VAC14: variants seen among roughly 807,000 people sequenced by gnomAD.
VAC14 encodes VAC14 component of PIKFYVE complex.
In VAC14, 47 loss-of-function variants were observed where a neutral mutation model predicts 85.3. The ratio of observed to expected loss-of-function variants is 0.55; its 90% CI spans 0.44 to 0.70. VAC14 has a LOEUF of 0.70. VAC14 is among the 30% of genes least tolerant of loss of function. The pLI is 0.00. For missense variants in VAC14, 861 were observed against 1,004.3 expected (o/e 0.86, Z 1.93); for synonymous variants, 447 against 430.5 (o/e 1.04, Z -0.47).
intron 13 of VAC14, among the ~76,000 whole-genome samples, chr16:70,735,927 C>G (rs1567550973): frequency 1.3e-5 from 2 of 152,250 alleles, no homozygotes; most frequent in South Asian, 4.1e-4. Context: ...CCAGGCCCAG[C>G]TGGGGGCTGA....
At chr16:70,746,013 T>C (rs1284282820) in intron 12 of VAC14, among the ~76,000 whole-genome samples, 1 of 152,202 alleles carries the variant, frequency 6.6e-6, no homozygotes, top group Admixed American at 6.5e-5. Context: ...TGTGAGTATA[T>C]TAAAAGCCAG....
chr16:70,689,249 G>C, intron 18 of VAC14: 2 of 985,464 alleles, frequency 2.0e-6, no homozygotes, highest in Non-Finnish European at 2.4e-6. Flanking sequence ...CGATGTGTAA[G>C]AGCTTCACCT....
intron 4 of VAC14, 55 bp downstream of exon 4, chr16:70,784,721 A>C (rs1298993196): frequency 6.6e-7 from 1 of 1,522,798 alleles, no homozygotes; most frequent in Non-Finnish European, 9.1e-7. Context: ...TAAGCTTTAC[A>C]GACAGACGGG....
intron 13 of VAC14, among the ~76,000 whole-genome samples, chr16:70,740,191 C>T (rs2030132518): frequency 1.3e-5 from 2 of 152,184 alleles, no homozygotes; most frequent in South Asian, 4.1e-4. Flanking sequence ...AAACTCCTGA[C>T]CTCAGGTGAT....
intron 12 of VAC14, among the ~76,000 whole-genome samples, chr16:70,754,393 G>A (rs1197555666): frequency 6.6e-6 from 1 of 152,206 alleles, no homozygotes; most frequent in Non-Finnish European, 1.5e-5. Context: ...CCCCAGCAGT[G>A]GCTGCTGGTA....
At chr16:70,766,900 G>A (rs779876419) in intron 10 of VAC14, among the ~76,000 whole-genome samples, 1 of 152,154 alleles carries the variant, frequency 6.6e-6, no homozygotes, top group Non-Finnish European at 1.5e-5. Context: ...TTCCTAGAGG[G>A]CACACTGCAT....
intron 13 of VAC14, among the ~76,000 whole-genome samples, chr16:70,739,030 G>A (rs1330689957): frequency 6.6e-6 from 1 of 152,248 alleles, no homozygotes; most frequent in Non-Finnish European, 1.5e-5. Flanking sequence ...GCCTCCCACA[G>A]GGGCCCTCTG....
At chr16:70,731,456 C>G in intron 14 of VAC14, 39 bp downstream of exon 14, 1 of 1,595,722 alleles carries the variant, frequency 6.3e-7, no homozygotes, top group Non-Finnish European at 8.5e-7. Context: ...AAGCCGGGGC[C>G]GTGGGAGGAA....
chr16:70,772,354 C>T (rs1230380878), intron 9 of VAC14, 182 bp from the exon 10 acceptor site: 1 of 576,132 alleles, frequency 1.7e-6, no homozygotes, highest in East Asian at 2.8e-5. Context: ...CTCGATAGTC[C>T]CCAAGCTTGT....
At position 70,731,553 on chromosome 16, in the gene VAC14, G is replaced by C; in HGVS notation, c.1603C>G (p.Leu535Val). ...SYFYKFMINL[L>V]KRFSSERKLL... The stretch of plus-strand genomic sequence containing the variant: ...TTCCGTTCGCTGCTGAATCTCTTGA[G>C]AAGGTTGATCATGAACTTATAAAAG... The change falls in exon 14 of 19, where the codon CTC becomes GTC. Residue 535 changes from leucine (L) to valine (V), a missense_variant. By Grantham distance (32) the Leu-to-Val change is conservative. Around this residue, in one of 3 missense-constraint regions of VAC14, gnomAD observed 629 missense variants for 703.1 expected, o/e 0.89. Coordinates refer to ENST00000261776, the MANE Select transcript of VAC14 (RefSeq NM_018052.5). 1.9e-6 allele frequency: 3 copies of C among 1,614,200 alleles called. No homozygotes were observed. Among genetic ancestry groups the C allele is most frequent in the Non-Finnish European group, 2.5e-6 (3 of 1,180,040 alleles).
At chr16:70,788,184 G>C (rs1362569769) in intron 1 of VAC14, among the ~76,000 whole-genome samples, 1 of 152,228 alleles carries the variant, frequency 6.6e-6, no homozygotes, top group Non-Finnish European at 1.5e-5. Context: ...AGTTAGAGCT[G>C]GGACTTTCTA....
At chr16:70,689,715 T>G in intron 18 of VAC14, 1 of 985,594 alleles carries the variant, frequency 1.0e-6, no homozygotes, top group Non-Finnish European at 1.2e-6. Flanking sequence ...CAGCTGACTT[T>G]AGTTCAACAA....
rs1421946562 is a variant in VAC14 at position 70,762,196 on chromosome 16, C to G, written c.1371+344G>C. Among the ~76,000 whole-genome samples, 2 of 152,128 alleles carry G rather than the reference C, an allele frequency of 1.3e-5. No homozygotes were observed. The highest frequency in any genetic ancestry group is 2.9e-5 in the Non-Finnish European group (2 of 68,020). ...GATCTCTGCTCACTGCAACCTCTGC[C>G]TCCTGGGTTCAAGCAATTCTCCCAC... On this transcript the variant is annotated intron_variant, in intron 12 of 18. Transcript: ENST00000261776. The surrounding 1 kb of genome is among the most constrained non-coding windows in gnomAD (Gnocchi z 4.1).
chr16:70,787,349 G>A (rs2034112375), intron 1 of VAC14, among the ~76,000 whole-genome samples: 1 of 152,208 alleles, frequency 6.6e-6, no homozygotes, highest in Non-Finnish European at 1.5e-5. Flanking sequence ...TAAGAGGAGA[G>A]AGGAGGGTAG....
In VAC14 at chr16:70,791,519, G is replaced by C. The variant is rs1045643143; in HGVS notation, c.105-5154C>G. Among the ~76,000 whole-genome samples the C allele has an allele frequency of 2.0e-5, 3 of 152,282 alleles. No individual in the cohort carries two copies. In the East Asian group the frequency reaches 5.8e-4, roughly 29 times the overall value. ...CCTGCCTCAACCTCCTGAGTAGCTGGAGTCACAGGCGCCTGCCATCACGCC... is the reference window on the plus strand; with the variant it reads ...CCTGCCTCAACCTCCTGAGTAGCTGCAGTCACAGGCGCCTGCCATCACGCC... On this transcript the variant is annotated intron_variant, in intron 1 of 18. Transcript: ENST00000261776.
intron 3 of VAC14, 46 bp downstream of exon 3, chr16:70,785,656 G>T (rs747216871): frequency 1.5e-5 from 22 of 1,513,500 alleles, no homozygotes; most frequent in Non-Finnish European, 1.8e-5. Flanking sequence ...AAGTGAGGTG[G>T]GGGAACCAAG....
At chr16:70,697,279 C>A in intron 15 of VAC14, 22 bp from the exon 16 acceptor site, 2 of 1,600,424 alleles carry the variant, frequency 1.2e-6, no homozygotes, top group Non-Finnish European at 1.7e-6. Context: ...CAGGCATGAG[C>A]CGTGAGGACA....
chr16:70,695,666 A>G, intron 16 of VAC14, 43 bp from the exon 17 acceptor site: 1 of 1,594,146 alleles, frequency 6.3e-7, no homozygotes, highest in Non-Finnish European at 8.6e-7. Flanking sequence ...GGGCCAGCAC[A>G]GCCGCAGCTC....
chr16:70,763,010 TG>T lies in VAC14; in HGVS notation c.1175del (p.Pro392GlnfsTer2), dbSNP rs778091700. 1 of 1,614,092 alleles carries T rather than the reference TG, an allele frequency of 6.2e-7. No individual in the cohort carries two copies. Among genetic ancestry groups the T allele is most frequent in the Non-Finnish European group, 8.5e-7 (1 of 1,180,038 alleles). Reference sequence around the variant, plus strand: ...CGATCCCGTCGAGGTGAAGGGTCACTGGGGCTCTTTCAGTGCTGTGGGTAAG... The same window carrying T: ...CGATCCCGTCGAGGTGAAGGGTCACTGGGCTCTTTCAGTGCTGTGGGTAAG... ...VFTAASTERA[P>X]VTLHLDGIVQ... On this transcript the variant is annotated frameshift_variant, in exon 11 of 19. Transcript: ENST00000261776. LOFTEE classifies it high-confidence loss of function.
Sources: allele counts gnomAD v4.1 joint callset (sites outside exome capture counted in the v4.1 genomes callset), GRCh38; gene constraint gnomAD v4.1.1; regional missense constraint gnomAD v4.1.1; non-coding constraint Gnocchi (gnomAD v3.1); transcripts MANE v1.5; gene names NCBI Gene and HGNC (gene_info 2026-07-23, HGNC 2026-07-21).